The following C1orf21 variants were observed in gnomAD, a reference collection of about 807,000 sequenced individuals.
C1orf21 encodes the protein uncharacterized protein C1orf21.
Under a neutral mutation model 18.7 loss-of-function variants are expected in C1orf21, and 3 were observed. The observed-to-expected ratio is 0.16, with a 90% CI of 0.07 to 0.42. The LOEUF (loss-of-function observed/expected upper bound fraction) is 0.42. C1orf21 is among the 10% of genes least tolerant of loss of function. The pLI, the probability that C1orf21 is intolerant of heterozygous loss-of-function variation, is 0.99. For synonymous variants in C1orf21, 41 were observed against 46.4 expected, an observed-to-expected ratio of 0.88 and a Z score of 0.47; for missense variants, 104 against 143.6, an observed-to-expected ratio of 0.72 and a Z score of 1.41.
chr1:184,451,470 T>A (rs60393727), intron 1 of C1orf21, among the ~76,000 whole-genome samples: 21,911 of 146,142 alleles, frequency 0.15, 1,738 homozygotes, highest in Middle Eastern at 0.2. Flanking sequence ...TAATTTTTTT[T>A]TTTTTTTTTT....
chr1:184,528,606 G>A (rs959777949), intron 3 of C1orf21, among the ~76,000 whole-genome samples: 6 of 151,888 alleles, frequency 4.0e-5, no homozygotes, highest in African/African-American at 9.7e-5. Flanking sequence ...TACCACGCCC[G>A]GCTAATTTTT....
intron 3 of C1orf21, among the ~76,000 whole-genome samples, chr1:184,516,512 A>G (rs1379887087): frequency 6.6e-6 from 1 of 152,208 alleles, no homozygotes; most frequent in African/African-American, 2.4e-5. Context: ...TGGGCAATTT[A>G]CATAAGACAG....
rs962306380 is a variant in C1orf21, at chr1:184,613,144, T to G, written c.328-6374T>G. Among the ~76,000 whole-genome samples the G allele has an allele frequency of 3.9e-5, 6 of 152,324 alleles. No individual in the cohort carries two copies. In the South Asian group the frequency reaches 1.2e-3, roughly 32 times the overall value. ...TTTGTATTTTTAGTAGAGATGGGGT[T>G]TCACCATGTTGGTCAGGCTGGTCTC... On this transcript the variant is annotated intron_variant, in intron 5 of 5. Coordinates refer to ENST00000235307, the MANE Select transcript of C1orf21 (RefSeq NM_030806.4).
At position 184,566,462 on chromosome 1, in the gene C1orf21, T is replaced by G. The variant is rs111640329; in HGVS notation, c.190-24277T>G. Reference sequence around the variant, plus strand: ...TCCAGAGCGCGCCATATATATGAACTTGTTGTTCTCACCTCAACCCTGAGA... The same window carrying G: ...TCCAGAGCGCGCCATATATATGAACGTGTTGTTCTCACCTCAACCCTGAGA... On this transcript the variant is annotated intron_variant, in intron 3 of 5. Transcript: ENST00000235307. 5.1e-3 allele frequency: 1,254 copies of G among 246,100 alleles called. 19 individuals carry two copies. The highest frequency in any genetic ancestry group is 0.023 in the African/African-American group (984 of 43,658). The allele number at this position is 246,100 out of a possible 1,614,324, so 15.2% of individuals were successfully genotyped here. A position where few individuals can be genotyped will look rare whatever the true frequency, so the allele number is the denominator to read the frequency against.
intron 3 of C1orf21, among the ~76,000 whole-genome samples, chr1:184,539,479 C>T (rs542866881): frequency 2.0e-4 from 30 of 152,138 alleles, no homozygotes; most frequent in Middle Eastern, 3.4e-3. Context: ...GTCTGGCTTC[C>T]GTATCAGGAT....
At chr1:184,579,206 T>A (rs1571286498) in intron 3 of C1orf21, among the ~76,000 whole-genome samples, 1 of 29,240 alleles carries the variant, frequency 3.4e-5, no homozygotes, top group Non-Finnish European at 5.1e-5. Context: ...CCTGGCTAAT[T>A]TTTTTTTTTT....
chr1:184,417,448 A>C (rs1015520340), intron 1 of C1orf21, among the ~76,000 whole-genome samples: 1 of 152,194 alleles, frequency 6.6e-6, no homozygotes, highest in Non-Finnish European at 1.5e-5. Context: ...TTTATTTTAC[A>C]CTACAATAAA....
chr1:184,600,072 G>T (rs968333163), intron 5 of C1orf21, among the ~76,000 whole-genome samples: 5 of 152,162 alleles, frequency 3.3e-5, no homozygotes, highest in Non-Finnish European at 5.9e-5. Context: ...TAGTAGTTAG[G>T]GGTAGATGGT....
At chr1:184,580,632 G>T (rs1352687164) in intron 3 of C1orf21, among the ~76,000 whole-genome samples, 1 of 152,166 alleles carries the variant, frequency 6.6e-6, no homozygotes, top group Admixed American at 6.5e-5. Context: ...ATTTCTTTGG[G>T]ACGTTGTCCC....
intron 3 of C1orf21, among the ~76,000 whole-genome samples, chr1:184,587,524 T>TTGTGTGTGTG (rs3034486): frequency 4.3e-5 from 6 of 139,722 alleles, no homozygotes; most frequent in South Asian, 4.9e-4. Flanking sequence ...TTCCTAGGAA[T>TTGTGTGTGTG]TGTGTGTGTG....
chr1:184,465,555 A>T (rs1288050658), intron 1 of C1orf21, among the ~76,000 whole-genome samples: 1 of 152,184 alleles, frequency 6.6e-6, no homozygotes, highest in Non-Finnish European at 1.5e-5. Flanking sequence ...TTTTGTTTTT[A>T]TCGGCCTGTT....
intron 2 of C1orf21, among the ~76,000 whole-genome samples, chr1:184,478,528 A>G (rs1393143497): frequency 6.6e-6 from 1 of 152,206 alleles, no homozygotes; most frequent in Non-Finnish European, 1.5e-5. Context: ...TCATTCCTTG[A>G]GACAACCGTC....
At chr1:184,550,551 T>A (rs1472241629) in intron 3 of C1orf21, among the ~76,000 whole-genome samples, 8 of 152,212 alleles carry the variant, frequency 5.3e-5, no homozygotes, top group Non-Finnish European at 1.2e-4. Context: ...TGTTTGTTTT[T>A]TGAGACAGGA....
chr1:184,567,584 A>G (rs1481974390), intron 3 of C1orf21: 2 of 468,848 alleles, frequency 4.3e-6, no homozygotes, highest in Non-Finnish European at 8.5e-6. Flanking sequence ...GCTACATCGC[A>G]GGTCCTTGGG....
intron 3 of C1orf21, among the ~76,000 whole-genome samples, chr1:184,536,704 A>G (rs1184172145): frequency 6.6e-6 from 1 of 152,216 alleles, no homozygotes; most frequent in Non-Finnish European, 1.5e-5. Flanking sequence ...ATTGCCTATT[A>G]ACCTATGAAA....
intron 2 of C1orf21, among the ~76,000 whole-genome samples, chr1:184,482,652 C>T (rs1240651359): frequency 6.6e-6 from 1 of 152,046 alleles, no homozygotes; most frequent in African/African-American, 2.4e-5. Context: ...ATGTTATTAC[C>T]ACATGTTGTT....
chr1:184,390,172 G>A (rs1655949201), intron 1 of C1orf21, among the ~76,000 whole-genome samples: 1 of 152,200 alleles, frequency 6.6e-6, no homozygotes, highest in Non-Finnish European at 1.5e-5. Context: ...ATAAAGAGAG[G>A]AGAGAGCATT....
At chr1:184,389,574 T>G (rs1231607700) in intron 1 of C1orf21, among the ~76,000 whole-genome samples, 2 of 152,120 alleles carry the variant, frequency 1.3e-5, no homozygotes, top group African/African-American at 4.8e-5. Context: ...TTCAAGAGCT[T>G]TGGTACTATT....
intron 1 of C1orf21, among the ~76,000 whole-genome samples, chr1:184,430,268 A>G (rs558287669): frequency 3.3e-4 from 50 of 152,242 alleles, no homozygotes; most frequent in Non-Finnish European, 5.7e-4. Flanking sequence ...ATACTGCACA[A>G]AAGTGTCTAT....
Sources: gnomAD v4.1 joint callset for allele counts (sites outside exome capture counted in the v4.1 genomes callset) on GRCh38, gnomAD v4.1.1 for gene constraint, MANE v1.5 for transcripts, NCBI Gene and HGNC (gene_info 2026-07-23, HGNC 2026-07-21) for gene names.